Variants in NRXN3 observed in about 807,000 individuals in gnomAD.
NRXN3 encodes the protein neurexin 3, also known as neurexin III.
NRXN3 carries 32 observed loss-of-function variants against 137.6 expected under a neutral mutation model. The observed-to-expected ratio is 0.23, with a 90% CI of 0.18 to 0.31. NRXN3 has a LOEUF of 0.31. Ranked by LOEUF, NRXN3 falls within the 10% of genes least tolerant of loss-of-function variation. NRXN3 has a pLI of 1.00. For synonymous variants in NRXN3, 798 were observed against 784.5 expected (o/e 1.02, Z -0.29); for missense variants, 1,574 against 2,062.5 (o/e 0.76, Z 4.59).
chr14:78,306,882 C>G (rs1021649963), intron 4 of NRXN3, among the ~76,000 whole-genome samples: 1 of 152,296 alleles, frequency 6.6e-6, no homozygotes, highest in East Asian at 1.9e-4. Context: ...ACACCTTGCT[C>G]ACAGTCAATG....
intron 15 of NRXN3, among the ~76,000 whole-genome samples, chr14:79,006,849 A>T (rs1423754093): frequency 6.6e-6 from 1 of 152,072 alleles, no homozygotes; most frequent in Non-Finnish European, 1.5e-5. Flanking sequence ...TTTTTCCCTG[A>T]TGTAGATAAA....
chr14:78,465,516 GT>G (rs1187695478), intron 4 of NRXN3, among the ~76,000 whole-genome samples: 2 of 152,044 alleles, frequency 1.3e-5, no homozygotes, highest in Admixed American at 6.6e-5. Flanking sequence ...GAGATTTAAG[GT>G]TTTTTGTTTG....
At chr14:78,914,972 G>C (rs1238762201) in intron 10 of NRXN3, among the ~76,000 whole-genome samples, 2 of 151,994 alleles carry the variant, frequency 1.3e-5, no homozygotes, top group African/African-American at 4.8e-5. Context: ...GGAACAAATG[G>C]TACAACTTAG....
chr14:78,286,706 G>A (rs1405734577), intron 3 of NRXN3, among the ~76,000 whole-genome samples: 4 of 152,160 alleles, frequency 2.6e-5, no homozygotes, highest in African/African-American at 9.7e-5. Context: ...AAGAGATGGA[G>A]GGCAGGGCAG....
chr14:79,263,714 C>A (rs564675411), intron 15 of NRXN3, among the ~76,000 whole-genome samples: 1 of 152,148 alleles, frequency 6.6e-6, no homozygotes, highest in Non-Finnish European at 1.5e-5. Flanking sequence ...ATAAAGAAAT[C>A]TTTGGACTTT....
chr14:78,469,196 C>T (rs928063553), intron 4 of NRXN3, among the ~76,000 whole-genome samples: 1 of 151,974 alleles, frequency 6.6e-6, no homozygotes, highest in African/African-American at 2.4e-5. Context: ...TTAATATTCA[C>T]AGGAAATCTA....
chr14:78,557,747 T>C (rs1237185732), intron 4 of NRXN3, among the ~76,000 whole-genome samples: 1 of 152,222 alleles, frequency 6.6e-6, no homozygotes, highest in East Asian at 1.9e-4. Flanking sequence ...TTTGCCTCCC[T>C]CACAGCTGGT....
intron 1 of NRXN3, among the ~76,000 whole-genome samples, chr14:78,239,061 G>T (rs1303718712): frequency 6.6e-6 from 1 of 152,210 alleles, no homozygotes; most frequent in Non-Finnish European, 1.5e-5. Flanking sequence ...TGTAAAGTGG[G>T]GTTGTGTGGA....
intron 15 of NRXN3, among the ~76,000 whole-genome samples, chr14:79,296,225 A>G (rs1047777801): frequency 6.6e-6 from 1 of 152,150 alleles, no homozygotes; most frequent in Non-Finnish European, 1.5e-5. Context: ...ATGAAAAAAT[A>G]GAGTGAGTGG....
chr14:79,783,839 C>G (rs2099121356), intron 19 of NRXN3, among the ~76,000 whole-genome samples: 1 of 152,096 alleles, frequency 6.6e-6, no homozygotes, highest in Non-Finnish European at 1.5e-5. Flanking sequence ...TTCATTCTTT[C>G]TGTGACCTTT....
At chr14:79,631,315 C>T (rs149549697) in intron 16 of NRXN3, among the ~76,000 whole-genome samples, 4 of 152,380 alleles carry the variant, frequency 2.6e-5, no homozygotes, top group Admixed American at 1.3e-4. Context: ...TAGCAGCCCT[C>T]GCTCGCTCTT....
At chr14:79,024,260 C>T (rs1015717022) in intron 15 of NRXN3, among the ~76,000 whole-genome samples, 8 of 152,180 alleles carry the variant, frequency 5.3e-5, no homozygotes, top group Admixed American at 4.6e-4. Flanking sequence ...GAAGCATCTT[C>T]CTTTTGCTTC....
intron 6 of NRXN3, among the ~76,000 whole-genome samples, chr14:78,686,497 T>A (rs143328061): frequency 6.6e-6 from 1 of 152,154 alleles, no homozygotes; most frequent in Admixed American, 6.6e-5. Flanking sequence ...GGAAAGCAGG[T>A]TTTGCCATTG....
intron 4 of NRXN3, among the ~76,000 whole-genome samples, chr14:78,388,304 A>G (rs921911617): frequency 2.0e-5 from 3 of 152,204 alleles, no homozygotes; most frequent in African/African-American, 7.2e-5. Context: ...GCGCAGCTGC[A>G]GGAAAATGGA....
chr14:79,100,674 TA>T (rs2051114008), intron 15 of NRXN3, among the ~76,000 whole-genome samples: 1 of 152,198 alleles, frequency 6.6e-6, no homozygotes, highest in Non-Finnish European at 1.5e-5. Flanking sequence ...CAGTCTAGGC[TA>T]TCAGAATAGG....
chr14:78,890,841 G>A (rs2099156815), intron 10 of NRXN3, among the ~76,000 whole-genome samples: 2 of 151,818 alleles, frequency 1.3e-5, no homozygotes, highest in African/African-American at 4.8e-5. Flanking sequence ...GGGGCAAAAT[G>A]AGTTTCTGGC....
chr14:78,545,969 T>A (rs1179236693), intron 4 of NRXN3, among the ~76,000 whole-genome samples: 2 of 152,250 alleles, frequency 1.3e-5, no homozygotes, highest in African/African-American at 4.8e-5. Context: ...ATATGTGGTA[T>A]TCTCCTTCCT....
At chr14:79,286,831 A>G (rs1261431475) in intron 15 of NRXN3, among the ~76,000 whole-genome samples, 4 of 152,122 alleles carry the variant, frequency 2.6e-5, no homozygotes, top group Non-Finnish European at 5.9e-5. Context: ...TTGTGAACTT[A>G]AGTCACAATG....
chr14:78,903,768 A>G (rs1181546700), intron 10 of NRXN3, among the ~76,000 whole-genome samples: 3 of 152,068 alleles, frequency 2.0e-5, no homozygotes, highest in Non-Finnish European at 4.4e-5. Flanking sequence ...GGTAAAAAGA[A>G]CATACAATGC....
Sources: gnomAD v4.1 joint callset for allele counts (sites outside exome capture counted in the v4.1 genomes callset) on GRCh38, gnomAD v4.1.1 for gene constraint, MANE v1.5 for transcripts, NCBI Gene and HGNC (gene_info 2026-07-23, HGNC 2026-07-21) for gene names.